CUBN: variants seen among roughly 807,000 people sequenced by gnomAD.
The protein encoded by CUBN is 460 kDa receptor.
In CUBN, 282 loss-of-function variants were observed where a neutral mutation model predicts 405.3. The ratio of observed to expected loss-of-function variants is 0.70; its 90% CI spans 0.63 to 0.77. The LOEUF (loss-of-function observed/expected upper bound fraction) is 0.77, where lower values mean the gene tolerates loss of function less well. Among genes scored for constraint, CUBN ranks in the 30% least tolerant of loss-of-function variants. CUBN has a pLI of 0.00. For missense variants in CUBN, 4,514 were observed against 4,475.2 expected (o/e 1.01, Z -0.25); for synonymous variants, 1,684 against 1,617.0 (o/e 1.04, Z -0.99).
At chr10:17,094,129 G>A (rs1022652250) in intron 14 of CUBN, among the ~76,000 whole-genome samples, 2 of 152,052 alleles carry the variant, frequency 1.3e-5, no homozygotes, top group African/African-American at 4.8e-5. Context: ...TAATCAAGTT[G>A]TGGAAAATTA....
intron 14 of CUBN, among the ~76,000 whole-genome samples, chr10:17,093,149 C>A (rs1285891480): frequency 2.6e-5 from 4 of 152,062 alleles, no homozygotes; most frequent in Non-Finnish European, 4.4e-5. Context: ...AAGCATCTGG[C>A]GGTTTTGGAG....
chr10:17,114,128 G>A lies in CUBN; in HGVS notation c.782C>T (p.Thr261Met), dbSNP rs745555225. The A allele has an allele frequency of 3.1e-6, 5 of 1,613,676 alleles. No individual in the cohort carries two copies. Among genetic ancestry groups the A allele is most frequent in the Admixed American group, 1.7e-5 (1 of 59,962 alleles). ...GAAGCTGCACTCGTCTCTGTCCAGC[G>A]TGCAGGCAGGGCTGTTGGGTGAAAA... ...WMFSPNSPAC[T>M]LDRDECSFQP... Residue 261 changes from threonine to methionine, a missense_variant, in exon 8 of 67, where the codon ACG (threonine) becomes ATG (methionine). Thr to Met is a moderately conservative substitution (Grantham distance 81). Coordinates refer to ENST00000377833, the MANE Select transcript of CUBN (RefSeq NM_001081.4).
intron 29 of CUBN, among the ~76,000 whole-genome samples, chr10:16,987,545 T>C (rs1229036095): frequency 6.6e-6 from 1 of 152,212 alleles, no homozygotes; most frequent in Admixed American, 6.5e-5. Context: ...TTCCGGACTC[T>C]GATTTTTCAA....
intron 59 of CUBN, among the ~76,000 whole-genome samples, chr10:16,853,523 T>C (rs982161069): frequency 3.9e-5 from 6 of 152,192 alleles, no homozygotes; most frequent in African/African-American, 1.4e-4. Context: ...TGATTTTTGT[T>C]ACAGGCACAT....
intron 56 of CUBN, 147 bp downstream of exon 56, chr10:16,888,270 G>A (rs1179001067): frequency 3.0e-6 from 2 of 677,226 alleles, no homozygotes; most frequent in Admixed American, 2.4e-5. Context: ...CCCACAAAAA[G>A]TGCTAAGTAA....
At chr10:16,942,195 T>C (rs768761331) in intron 36 of CUBN, among the ~76,000 whole-genome samples, 3 of 152,192 alleles carry the variant, frequency 2.0e-5, no homozygotes, top group Non-Finnish European at 1.5e-5. Flanking sequence ...GCAACTGAAG[T>C]CTTATATATT....
rs763323736 is a variant in CUBN, at chr10:17,115,576, C to T, written c.615G>A (p.Thr205=). ...ATTTGGATGCACACTGGGGTCCGTA[C>T]GTCTCAGGTGGGCAGTGACAACTGT... ...GSYSCHCPPE[T]YGPQCASKYD... Residue 205 remains threonine, a synonymous_variant, in exon 7 of 67, where the codon ACG becomes ACA. Transcript: ENST00000377833. The T allele has an allele frequency of 2.0e-5, 33 of 1,614,054 alleles. No individual in the cohort carries two copies. Among genetic ancestry groups the T allele is most frequent in the African/African-American group, 2.7e-5 (2 of 74,938 alleles).
chr10:17,101,776 C>T (rs1168419294), intron 13 of CUBN, among the ~76,000 whole-genome samples: 1 of 152,102 alleles, frequency 6.6e-6, no homozygotes, highest in Non-Finnish European at 1.5e-5. Context: ...GTGTCTGAGT[C>T]ACTGCATGCC....
Position 16,900,836 on chromosome 10 carries a change from G to C in CUBN, c.8199C>G (p.Asp2733Glu). 1 of 1,612,884 alleles carries C rather than the reference G, an allele frequency of 6.2e-7. No homozygotes were observed. Among genetic ancestry groups the C allele is most frequent in the South Asian group, 1.1e-5 (1 of 90,960 alleles). ...AAGTTGTATGGGGTTCAATATCAAA[G>C]TCACTAAATGTGAGCTGCAGGAGAA... is the stretch of plus-strand genomic sequence containing the variant. The part of the protein sequence containing the change: ...QGHTITLTFS[D>E]FDIEPHTTCA... Residue 2733 changes from aspartate (D) to glutamate (E), a missense_variant, in exon 53 of 67, where the codon GAC becomes GAG. Transcript: ENST00000377833.
At chr10:16,935,879 C>CAAAAAAA (rs369098280) in intron 39 of CUBN, among the ~76,000 whole-genome samples, 1 of 71,360 alleles carries the variant, frequency 1.4e-5, no homozygotes, top group African/African-American at 5.4e-5. Flanking sequence ...GACTCCATCT[C>CAAAAAAA]AAAAAAAAAA....
intron 22 of CUBN, among the ~76,000 whole-genome samples, chr10:17,048,246 A>T (rs554850172): frequency 6.6e-6 from 1 of 152,388 alleles, no homozygotes; most frequent in African/African-American, 2.4e-5. Flanking sequence ...TGCACTCAGT[A>T]AATGGTGGTC....
intron 28 of CUBN, among the ~76,000 whole-genome samples, chr10:17,003,611 A>C (rs995398144): frequency 6.6e-6 from 1 of 152,240 alleles, no homozygotes; most frequent in Non-Finnish European, 1.5e-5. Flanking sequence ...AAACTTAGGT[A>C]ATCATGAGTC....
At chr10:16,931,991 A>C (rs1228639528) in intron 40 of CUBN, among the ~76,000 whole-genome samples, 2 of 152,230 alleles carry the variant, frequency 1.3e-5, no homozygotes, top group African/African-American at 4.8e-5. Context: ...AAAAGTTTTA[A>C]ATTTCAGTAT....
intron 48 of CUBN, among the ~76,000 whole-genome samples, chr10:16,911,820 AAC>A (rs1199243005): frequency 6.6e-6 from 1 of 152,178 alleles, no homozygotes; most frequent in East Asian, 1.9e-4. Flanking sequence ...TTATTTTCTG[AAC>A]TCTCCAAATA....
intron 28 of CUBN, among the ~76,000 whole-genome samples, chr10:17,009,820 C>T (rs1433439539): frequency 1.3e-5 from 2 of 152,176 alleles, no homozygotes; most frequent in African/African-American, 4.8e-5. Context: ...ACATTTCTTA[C>T]CTTCTACACT....
chr10:16,918,236 G>A (rs757434458), intron 45 of CUBN, among the ~76,000 whole-genome samples: 16 of 152,100 alleles, frequency 1.1e-4, no homozygotes, highest in Non-Finnish European at 1.8e-4. Flanking sequence ...GATGCCCCTA[G>A]CTTTGTTCTT....
intron 27 of CUBN, among the ~76,000 whole-genome samples, chr10:17,026,124 G>A (rs1031790256): frequency 6.6e-6 from 1 of 152,118 alleles, no homozygotes; most frequent in Non-Finnish European, 1.5e-5. Flanking sequence ...GGGACCTAGG[G>A]AATTCTCAGG....
chr10:17,071,625 G>A, intron 18 of CUBN, 21 bp from the exon 19 acceptor site: 1 of 1,605,314 alleles, frequency 6.2e-7, no homozygotes, highest in South Asian at 1.1e-5. Context: ...AAAAATTATA[G>A]TAGTGCTTGT....
intron 28 of CUBN, among the ~76,000 whole-genome samples, chr10:16,997,607 C>T (rs1294163292): frequency 6.6e-6 from 1 of 152,082 alleles, no homozygotes; most frequent in African/African-American, 2.4e-5. Flanking sequence ...AGTATACAGG[C>T]CTCACTTCCG....
Sources: allele counts gnomAD v4.1 joint callset (sites outside exome capture counted in the v4.1 genomes callset), GRCh38; gene constraint gnomAD v4.1.1; transcripts MANE v1.5; gene names NCBI Gene and HGNC (gene_info 2026-07-23, HGNC 2026-07-21).